The following SLC45A3 variants were observed in gnomAD, a reference collection of about 807,000 sequenced individuals.
SLC45A3 encodes the protein solute carrier family 45 member 3, also known as prostate cancer associated protein 2.
In SLC45A3, 17 loss-of-function variants were observed where a neutral mutation model predicts 35.3. The observed-to-expected ratio is 0.48, with a 90% CI of 0.33 to 0.72. SLC45A3 has a LOEUF of 0.72. SLC45A3 is among the 30% of genes least tolerant of loss of function. SLC45A3 has a pLI of 0.02. For missense variants in SLC45A3, 597 were observed against 731.7 expected, an observed-to-expected ratio of 0.82 and a Z score of 2.12; for synonymous variants, 288 against 334.3, an observed-to-expected ratio of 0.86 and a Z score of 1.51.
rs532678294 is a variant in SLC45A3, at chr1:205,663,722, G to A, written c.173-104C>T. On this transcript the variant is annotated intron_variant, in intron 2 of 4. Coordinates refer to ENST00000367145, the MANE Select transcript of SLC45A3 (RefSeq NM_033102.3). ...AGGATGGAAATAACATTCCGTACTC[G>A]ACACTGTGCTACGTCTTCACAGGGA... is the stretch of plus-strand genomic sequence containing the variant. 440 of 1,155,180 alleles carry A rather than the reference G, an allele frequency of 3.8e-4. 2 individuals are homozygous for A. Among genetic ancestry groups the A allele is most frequent in the Non-Finnish European group, 4.9e-4 (412 of 833,268 alleles). The allele number at this position is 1,155,180 out of a possible 1,614,324, so 71.6% of individuals were successfully genotyped here.
At chr1:205,665,227 G>C (rs1671099804) in intron 1 of SLC45A3, among the ~76,000 whole-genome samples, 1 of 152,154 alleles carries the variant, frequency 6.6e-6, no homozygotes, top group African/African-American at 2.4e-5. Context: ...TAGTTGCCCA[G>C]CTATCAAGGT....
At position 205,676,356 on chromosome 1, in the gene SLC45A3, T is replaced by C. The variant is rs1028671894; in HGVS notation, c.-231+4038A>G. On this transcript the variant is annotated intron_variant, in intron 1 of 4. Coordinates refer to ENST00000367145, the MANE Select transcript of SLC45A3 (RefSeq NM_033102.3). The stretch of plus-strand genomic sequence containing the variant: ...ATCCTGCTATCCTGGATATGGTGAC[T>C]GGGGGACTGTGGACTACAGCGCCAG... Among the ~76,000 whole-genome samples, 7 of 152,162 alleles carry C rather than the reference T, an allele frequency of 4.6e-5. No individual in the cohort carries two copies. In the South Asian group the frequency reaches 1.4e-3, roughly 32 times the overall value.
At position 205,664,391 on chromosome 1, in the gene SLC45A3, C is replaced by A. The variant is rs1571534380; in HGVS notation, c.172+94G>T. On this transcript the variant is annotated intron_variant, in intron 2 of 4. Transcript: ENST00000367145. This position sits in a 1 kb window ranked among gnomAD's most constrained non-coding sequence, Gnocchi z 5.3. ...AATGCCTTCCCAGCAGACCACCTCT[C>A]CCTCCAAGCAGCTCCCAGGGCAGAG... 35 of 1,508,980 alleles carry A rather than the reference C, an allele frequency of 2.3e-5. No individual in the cohort carries two copies. The East Asian group carries it at 7.9e-4, about 34-fold the overall frequency. 93.5% of individuals were successfully genotyped at this position (1,508,980 alleles called of 1,614,324 possible).
At position 205,679,427 on chromosome 1, in the gene SLC45A3, TG is replaced by T. The variant is rs199593848; in HGVS notation, c.-231+966del. On this transcript the variant is annotated intron_variant, in intron 1 of 4. Coordinates refer to ENST00000367145, the MANE Select transcript of SLC45A3 (RefSeq NM_033102.3). ...GAGCAACTCACAGGACTGCAGTGCCTGGGGGGAGCGGAAGACTACAGGAAGG... is the reference window on the plus strand; with the variant it reads ...GAGCAACTCACAGGACTGCAGTGCCTGGGGGAGCGGAAGACTACAGGAAGG... 7.6e-3 allele frequency among the ~76,000 whole-genome samples: 1,149 copies of T among 152,134 alleles called. 17 individuals carry two copies. Among genetic ancestry groups the T allele is most frequent in the African/African-American group, 0.026 (1,099 of 41,486 alleles).
chr1:205,671,666 C>G (rs562672348), intron 1 of SLC45A3, among the ~76,000 whole-genome samples: 77 of 152,286 alleles, frequency 5.1e-4, no homozygotes, highest in African/African-American at 1.8e-3. Flanking sequence ...TTGACACCAG[C>G]CTGGCCAAAA....
intron 1 of SLC45A3, among the ~76,000 whole-genome samples, chr1:205,670,947 T>C (rs1671203825): frequency 6.6e-6 from 1 of 152,074 alleles, no homozygotes; most frequent in African/African-American, 2.4e-5. Context: ...CCCCAATGTG[T>C]GAAAACCCAA....
rs1250643692 is a variant in SLC45A3, at chr1:205,664,967, G to C, written c.-230-81C>G. 8.3e-7 allele frequency: 1 copy of C among 1,202,418 alleles called. No homozygotes were observed. Among genetic ancestry groups the C allele is most frequent in the Non-Finnish European group, 1.0e-6 (1 of 963,620 alleles). 74.5% of individuals were successfully genotyped at this position (1,202,418 alleles called of 1,614,324 possible). ...CTCCACGATTTGCTCTAAATTGTCT[G>C]GATCCTGATCATTCACAGGCTGGCG... is the stretch of plus-strand genomic sequence containing the variant. On this transcript the variant is annotated intron_variant, in intron 1 of 4. Coordinates refer to ENST00000367145, the MANE Select transcript of SLC45A3 (RefSeq NM_033102.3). The surrounding 1 kb of genome is among the most constrained non-coding windows in gnomAD (Gnocchi z 5.3).
rs1287520934 is a variant in SLC45A3, at chr1:205,658,104, C to A, written c.*1130G>T. On this transcript the variant is annotated 3_prime_UTR_variant, in exon 5 of 5. Coordinates refer to ENST00000367145, the MANE Select transcript of SLC45A3 (RefSeq NM_033102.3). ...AAGGCTTGGGAAACCGCACTTTGTGCTTCTGGTCCTGCAGTAGCTCCAAAC... is the reference window on the plus strand; with the variant it reads ...AAGGCTTGGGAAACCGCACTTTGTGATTCTGGTCCTGCAGTAGCTCCAAAC... 1.0e-5 allele frequency: 2 copies of A among 199,098 alleles called. No individual in the cohort carries two copies. The highest frequency in any genetic ancestry group is 2.0e-5 in the Non-Finnish European group (2 of 101,792). The allele number at this position is 199,098 out of a possible 1,614,324, so 12.3% of individuals were successfully genotyped here. A position where few individuals can be genotyped will look rare whatever the true frequency, so the allele number is the denominator to read the frequency against.
intron 1 of SLC45A3, among the ~76,000 whole-genome samples, chr1:205,670,284 G>A (rs544433107): frequency 1.3e-5 from 2 of 152,174 alleles, no homozygotes; most frequent in Non-Finnish European, 2.9e-5. Flanking sequence ...GGAGGGACAC[G>A]GCATTAGACA....
Position 205,662,030 on chromosome 1 carries a change from C to T in SLC45A3, c.1055G>A (p.Arg352Gln), listed in dbSNP as rs1299943799. Residue 352 changes from arginine to glutamine, a missense_variant, in exon 4 of 5, where the codon CGA (arginine) becomes CAA (glutamine). Transcript: ENST00000367145. This position sits in a 1 kb window ranked among gnomAD's most constrained non-coding sequence, Gnocchi z 6.2. ...TGCCACACTGGCCAAATAGACTGCT[C>T]GAGTGCCGAATCGCTGCACCAGCCG... Reference protein sequence around the residue: ...MDRLVQRFGTRAVYLASVAAF... With the variant: ...MDRLVQRFGTQAVYLASVAAF... 8 of 1,613,984 alleles carry T rather than the reference C, an allele frequency of 5.0e-6. No homozygotes were observed. In the South Asian group the frequency reaches 6.6e-5, roughly 13 times the overall value.
rs537311786 is a variant in SLC45A3, at chr1:205,663,040, G to A, written c.751C>T (p.Arg251Trp). The A allele has an allele frequency of 1.5e-3, 2,421 of 1,609,550 alleles. 43 individuals carry two copies. The South Asian group carries it at 0.024, about 16-fold the overall frequency. The change falls in exon 3 of 5, where the codon CGG (arginine) becomes TGG (tryptophan). Residue 251 changes from arginine (R) to tryptophan (W), a missense_variant. By Grantham distance (101) the Arg-to-Trp change is moderately radical. This residue lies in a region of SLC45A3 where 555 missense variants were observed against 664.9 expected (regional missense o/e 0.83). Coordinates refer to ENST00000367145, the MANE Select transcript of SLC45A3 (RefSeq NM_033102.3). ...CGGGGAAGCAGGGCGCCCAGGTTCC[G>A]GAAAGCCAAGCGGGCCCGGCATGGA... ...CCPCRARLAF[R>W]NLGALLPRLH...
At chr1:205,680,069 G>C (rs1168230594) in intron 1 of SLC45A3, among the ~76,000 whole-genome samples, 1 of 147,514 alleles carries the variant, frequency 6.8e-6, no homozygotes, top group Non-Finnish European at 1.5e-5. Context: ...GGGCTCCGGG[G>C]AGGGGCCGCT....
chr1:205,659,163 A>G lies in SLC45A3; in HGVS notation c.*71T>C, dbSNP rs1571528553. 6.7e-7 allele frequency: 1 copy of G among 1,497,960 alleles called. No individual in the cohort carries two copies. Among genetic ancestry groups the G allele is most frequent in the Non-Finnish European group, 9.0e-7 (1 of 1,107,412 alleles). 92.8% of individuals were successfully genotyped at this position (1,497,960 alleles called of 1,614,324 possible). On this transcript the variant is annotated 3_prime_UTR_variant, in exon 5 of 5. Transcript: ENST00000367145. This position sits in a 1 kb window ranked among gnomAD's most constrained non-coding sequence, Gnocchi z 5.8. Reference sequence around the variant, plus strand: ...AACTGGCGGCCAGCCCGGCAGCCCCATGGGGCTAACAGGAGCGGGGAGCTG... The same window carrying G: ...AACTGGCGGCCAGCCCGGCAGCCCCGTGGGGCTAACAGGAGCGGGGAGCTG...
chr1:205,674,716 T>C (rs1671282395), intron 1 of SLC45A3, among the ~76,000 whole-genome samples: 1 of 150,700 alleles, frequency 6.6e-6, no homozygotes, highest in African/African-American at 2.5e-5. Context: ...GGGTGAAGTA[T>C]CTTTTCTTTT....
chr1:205,659,138 A>C lies in SLC45A3; in HGVS notation c.*96T>G. On this transcript the variant is annotated 3_prime_UTR_variant, in exon 5 of 5. Transcript: ENST00000367145. This position sits in a 1 kb window ranked among gnomAD's most constrained non-coding sequence, Gnocchi z 5.8. ...GCCACATTACTTTGGCAGCAACAGA[A>C]ACTGGCGGCCAGCCCGGCAGCCCCA... The C allele has an allele frequency of 7.7e-7, 1 of 1,306,980 alleles. No homozygotes were observed. Among genetic ancestry groups the C allele is most frequent in the Non-Finnish European group, 1.1e-6 (1 of 944,998 alleles). 81.0% of individuals were successfully genotyped at this position (1,306,980 alleles called of 1,614,324 possible).
At position 205,662,162 on chromosome 1, in the gene SLC45A3, G is replaced by C. The variant is rs1387406690; in HGVS notation, c.959-36C>G. 3 of 1,595,250 alleles carry C rather than the reference G, an allele frequency of 1.9e-6. No individual in the cohort carries two copies. In the South Asian group the frequency reaches 3.4e-5, roughly 18 times the overall value. On this transcript the variant is annotated intron_variant, in intron 3 of 4. Transcript: ENST00000367145. The surrounding 1 kb of genome is among the most constrained non-coding windows in gnomAD (Gnocchi z 6.2). Reference sequence around the variant, plus strand: ...AGAGGGGCCATCAGACAGAGCCTGGGAGGGAAGGGTCGGAGCAGTCTCAGG... The same window carrying C: ...AGAGGGGCCATCAGACAGAGCCTGGCAGGGAAGGGTCGGAGCAGTCTCAGG...
In SLC45A3 at chr1:205,659,450, C is replaced by T. The variant is rs1383117785; in HGVS notation, c.1446G>A (p.Val482=). 32 of 1,613,998 alleles carry T rather than the reference C, an allele frequency of 2.0e-5. 1 individual carries two copies. Among genetic ancestry groups the T allele is most frequent in the African/African-American group, 4.0e-5 (3 of 74,916 alleles). The change falls in exon 5 of 5, where the codon GTG becomes GTA. Residue 482 remains valine (V), a synonymous_variant. Transcript: ENST00000367145. The surrounding 1 kb of genome is among the most constrained non-coding windows in gnomAD (Gnocchi z 5.8). ...VVVGEPTEAR[V]VPGRGICLDL... ...CCAGGCAGATGCCCCGGCCCGGAAC[C>T]ACCCTGGCCTCGGTGGGCTCACCCA...
intron 1 of SLC45A3, among the ~76,000 whole-genome samples, chr1:205,675,392 A>G (rs1267333561): frequency 6.6e-6 from 1 of 152,198 alleles, no homozygotes; most frequent in Admixed American, 6.5e-5. Flanking sequence ...TCGGAAGAGA[A>G]TAAGGGGTAA....
chr1:205,680,254 G>C (rs1486182305), intron 1 of SLC45A3, 140 bp downstream of exon 1: 1 of 151,986 alleles, frequency 6.6e-6, no homozygotes, highest in Non-Finnish European at 1.5e-5. Context: ...GGCTCGGCGC[G>C]CAGCGCCCCG....
Sources: allele counts gnomAD v4.1 joint callset (sites outside exome capture counted in the v4.1 genomes callset), GRCh38; gene constraint gnomAD v4.1.1; regional missense constraint gnomAD v4.1.1; non-coding constraint Gnocchi (gnomAD v3.1); transcripts MANE v1.5; gene names NCBI Gene and HGNC (gene_info 2026-07-23, HGNC 2026-07-21).